The following BICD1 variants were observed in gnomAD, a reference collection of about 807,000 sequenced individuals.
The protein encoded by BICD1 is BICD cargo adaptor 1, also known as protein bicaudal D homolog 1.
In BICD1, 35 loss-of-function variants were observed where a neutral mutation model predicts 92.5. The ratio of observed to expected loss-of-function variants is 0.38; its 90% CI spans 0.29 to 0.50. The LOEUF is 0.50. BICD1 is among the 20% of genes least tolerant of loss of function. BICD1 has a pLI of 0.93. For synonymous variants in BICD1, 429 were observed against 465.1 expected (o/e 0.92, Z 1.00); for missense variants, 950 against 1,189.8 (o/e 0.80, Z 2.97).
chr12:32,165,441 G>A (rs1208437136), intron 1 of BICD1, among the ~76,000 whole-genome samples: 2 of 152,078 alleles, frequency 1.3e-5, no homozygotes, highest in Admixed American at 6.5e-5. Context: ...GCGCGAACCC[G>A]GGAGGCGGAG....
chr12:32,219,985 A>G (rs1004556114), intron 2 of BICD1, among the ~76,000 whole-genome samples: 5 of 152,164 alleles, frequency 3.3e-5, no homozygotes, highest in African/African-American at 9.6e-5. Flanking sequence ...AAAAACAAGC[A>G]ATGGGTAAAG....
At chr12:32,277,362 C>T (rs1481637610) in intron 2 of BICD1, among the ~76,000 whole-genome samples, 2 of 152,156 alleles carry the variant, frequency 1.3e-5, no homozygotes, top group African/African-American at 2.4e-5. Context: ...CCACTGCACT[C>T]CAGCCTGGGC....
At position 32,328,105 on chromosome 12, in the gene BICD1, A is replaced by T. The variant is rs780811727; in HGVS notation, c.1650A>T (p.Lys550Asn). The T allele has an allele frequency of 5.0e-6, 8 of 1,614,070 alleles. No individual in the cohort carries two copies. In the African/African-American group the frequency reaches 1.1e-4, roughly 22 times the overall value. The change falls in exon 5 of 10, where the codon AAA (lysine) becomes AAT (asparagine). Residue 550 changes from lysine (K) to asparagine (N), a missense_variant. Lys to Asn is a moderately conservative substitution (Grantham distance 94, BLOSUM62 0). This residue lies in a region of BICD1 where 309 missense variants were observed against 499.4 expected (regional missense o/e 0.62). Transcript: ENST00000652176. This position sits in a 1 kb window ranked among gnomAD's most constrained non-coding sequence, Gnocchi z 4.4. ...GAGTCACCCGCAGTGGCAGCCTGAA[A>T]GGGCCCGATGATCCCAGAGGACTTT... ...QSRVTRSGSL[K>N]GPDDPRGLLS...
chr12:32,115,055 A>G (rs75639916), intron 1 of BICD1, among the ~76,000 whole-genome samples: 2 of 151,532 alleles, frequency 1.3e-5, no homozygotes, highest in East Asian at 3.9e-4. Flanking sequence ...GGGAGTTTCA[A>G]TATGTTGACC....
chr12:32,113,594 A>G (rs1264127488), intron 1 of BICD1, among the ~76,000 whole-genome samples: 1 of 150,860 alleles, frequency 6.6e-6, no homozygotes, highest in African/African-American at 2.4e-5. Context: ...CCCCAGCTGG[A>G]GTGCAGTGGC....
At chr12:32,128,859 G>A (rs7303992) in intron 1 of BICD1, among the ~76,000 whole-genome samples, 43,864 of 151,836 alleles carry the variant, frequency 0.29, 6,548 homozygotes, top group Admixed American at 0.43. Context: ...TGTAGCCTCA[G>A]CCTCCCAGGT....
intron 1 of BICD1, among the ~76,000 whole-genome samples, chr12:32,183,416 G>A (rs1020101672): frequency 4.0e-5 from 6 of 151,674 alleles, no homozygotes; most frequent in Admixed American, 6.6e-5. Context: ...AGGCACGCGC[G>A]CCATCACGCC....
chr12:32,185,458 T>A (rs1944401353), intron 1 of BICD1, among the ~76,000 whole-genome samples: 1 of 152,228 alleles, frequency 6.6e-6, no homozygotes, highest in South Asian at 2.1e-4. Flanking sequence ...AAGACACTAT[T>A]CCATGTCACT....
Position 32,380,980 on chromosome 12 carries a change from T to C in BICD1, c.*3353T>C, listed in dbSNP as rs987674159. The C allele has an allele frequency of 1.3e-5, 2 of 152,064 alleles. No individual in the cohort carries two copies. Among genetic ancestry groups the C allele is most frequent in the Admixed American group, 6.6e-5 (1 of 15,246 alleles). 9.4% of individuals were successfully genotyped at this position (152,064 alleles called of 1,614,324 possible). On this transcript the variant is annotated 3_prime_UTR_variant, in exon 10 of 10. Transcript: ENST00000652176. ...GGAAATTGATAATCATAAAGAATAT[T>C]TGTTTTGTAAAAATTGAATATCATT...
chr12:32,142,110 A>G (rs539768099), intron 1 of BICD1, among the ~76,000 whole-genome samples: 1 of 152,230 alleles, frequency 6.6e-6, no homozygotes, highest in South Asian at 2.1e-4. Flanking sequence ...ATGTCAACAT[A>G]AAAGTTTATT....
At chr12:32,115,026 T>TG (rs1419799697) in intron 1 of BICD1, among the ~76,000 whole-genome samples, 2 of 151,098 alleles carry the variant, frequency 1.3e-5, no homozygotes, top group African/African-American at 2.4e-5. Flanking sequence ...TTTCTTTTGG[T>TG]GGGGGGTGTG....
At chr12:32,279,108 G>A (rs1400961948) in intron 2 of BICD1, among the ~76,000 whole-genome samples, 10 of 152,158 alleles carry the variant, frequency 6.6e-5, no homozygotes, top group Admixed American at 5.2e-4. Flanking sequence ...AAATCTTACA[G>A]TTTCAAAGGA....
rs988462937 is a variant in BICD1 at position 32,328,792 on chromosome 12, G to A, written c.2100+237G>A. 2.6e-5 allele frequency among the ~76,000 whole-genome samples: 4 copies of A among 152,158 alleles called. No homozygotes were observed. The highest frequency in any genetic ancestry group is 2.6e-4 in the Admixed American group (4 of 15,282). On this transcript the variant is annotated intron_variant, in intron 5 of 9. Coordinates refer to ENST00000652176, the MANE Select transcript of BICD1 (RefSeq NM_001714.4). This position sits in a 1 kb window ranked among gnomAD's most constrained non-coding sequence, Gnocchi z 4.4. Reference sequence around the variant, plus strand: ...GTGAGGAACTTAAAGCAGGAACACAGGAGAAGATCTAGATGCCTTTCTGCA... The same window carrying A: ...GTGAGGAACTTAAAGCAGGAACACAAGAGAAGATCTAGATGCCTTTCTGCA...
At chr12:32,335,217 C>T (rs1938053643) in intron 6 of BICD1, among the ~76,000 whole-genome samples, 1 of 151,570 alleles carries the variant, frequency 6.6e-6, no homozygotes, top group Admixed American at 6.6e-5. Flanking sequence ...GTGGTGCGAT[C>T]TCAGCTCACT....
chr12:32,136,179 G>T (rs1340818415), intron 1 of BICD1, among the ~76,000 whole-genome samples: 1 of 152,198 alleles, frequency 6.6e-6, no homozygotes, highest in African/African-American at 2.4e-5. Flanking sequence ...CAGATTATGT[G>T]TGTCTTACTC....
At position 32,367,689 on chromosome 12, in the gene BICD1, C is replaced by G. The variant is rs763889777; in HGVS notation, c.2784C>G (p.Ala928=). ...TTGTAGATTGTCAGCAGCCTGCTGC[C>G]TCCGTACCGCCACAGTGCTCACAAC... ...VAPPDCQQPA[A]SVPPQCSQLA... Residue 928 remains alanine, a synonymous_variant, in exon 9 of 10, where the codon GCC becomes GCG. Coordinates refer to ENST00000652176, the MANE Select transcript of BICD1 (RefSeq NM_001714.4). 1.2e-6 allele frequency: 2 copies of G among 1,614,070 alleles called. No individual in the cohort carries two copies. Among genetic ancestry groups the G allele is most frequent in the Non-Finnish European group, 1.7e-6 (2 of 1,180,018 alleles).
At chr12:32,178,486 T>A (rs1474014474) in intron 1 of BICD1, among the ~76,000 whole-genome samples, 2 of 151,842 alleles carry the variant, frequency 1.3e-5, no homozygotes, top group Admixed American at 1.3e-4. Flanking sequence ...TCTTGCTGGG[T>A]TCTAAGCTAC....
At chr12:32,311,137 G>A (rs894807913) in intron 4 of BICD1, among the ~76,000 whole-genome samples, 10 of 152,212 alleles carry the variant, frequency 6.6e-5, no homozygotes, top group South Asian at 2.1e-4. Flanking sequence ...ATATGCCCAA[G>A]GTGGTCGGGG....
chr12:32,293,670 T>C (rs1290842383), intron 2 of BICD1, among the ~76,000 whole-genome samples: 1 of 152,174 alleles, frequency 6.6e-6, no homozygotes, highest in Admixed American at 6.5e-5. Context: ...TTCCGTTCAA[T>C]GGATGCATGA....
Sources: gnomAD v4.1 joint callset for allele counts (sites outside exome capture counted in the v4.1 genomes callset) on GRCh38, gnomAD v4.1.1 for gene constraint, gnomAD v4.1.1 regional missense constraint, Gnocchi (gnomAD v3.1) non-coding constraint, MANE v1.5 for transcripts, NCBI Gene and HGNC (gene_info 2026-07-23, HGNC 2026-07-21) for gene names.